The following CDH12 variants were observed in gnomAD, a reference collection of about 807,000 sequenced individuals.
CDH12 encodes the protein cadherin 12, also known as cadherin-12.
A neutral mutation model predicts 74.1 loss-of-function variants in CDH12; 41 were observed. The observed-to-expected ratio is 0.55, with a 90% CI of 0.43 to 0.72. The LOEUF is 0.72. Ranked by LOEUF, CDH12 falls within the 30% of genes least tolerant of loss-of-function variation. The pLI, the probability that CDH12 is intolerant of heterozygous loss-of-function variation, is 0.00. For missense variants in CDH12, 945 were observed against 977.2 expected (o/e 0.97, Z 0.44); for synonymous variants, 399 against 355.0 (o/e 1.12, Z -1.39).
chr5:22,850,468 AT>A (rs1384558838), intron 1 of CDH12, among the ~76,000 whole-genome samples: 2 of 152,086 alleles, frequency 1.3e-5, no homozygotes, highest in African/African-American at 4.8e-5. Context: ...AATTAAATGT[AT>A]TTTTGGGTAC....
chr5:22,272,524 G>C (rs1171216584), intron 3 of CDH12, among the ~76,000 whole-genome samples: 4 of 152,148 alleles, frequency 2.6e-5, no homozygotes, highest in Non-Finnish European at 5.9e-5. Context: ...AGGGCCCTAG[G>C]TTTCAACTAT....
chr5:22,083,289 C>T (rs1561092208), intron 4 of CDH12, among the ~76,000 whole-genome samples: 4 of 152,188 alleles, frequency 2.6e-5, no homozygotes. Flanking sequence ...TTGCCATTCT[C>T]TTCCTTTCCT....
intron 1 of CDH12, among the ~76,000 whole-genome samples, chr5:22,831,251 G>T (rs1261763333): frequency 6.6e-6 from 1 of 152,078 alleles, no homozygotes; most frequent in African/African-American, 2.4e-5. Context: ...GAAAACGATT[G>T]AGTAGAATAT....
chr5:22,843,703 A>G (rs1303225813), intron 1 of CDH12, among the ~76,000 whole-genome samples: 2 of 151,854 alleles, frequency 1.3e-5, no homozygotes, highest in Non-Finnish European at 2.9e-5. Context: ...AAATGTTTTG[A>G]AAGATATTTA....
intron 13 of CDH12, 60 bp downstream of exon 13, chr5:21,760,498 C>A: frequency 1.2e-6 from 1 of 817,966 alleles, no homozygotes; most frequent in Non-Finnish European, 2.1e-6. Flanking sequence ...TGATTCCTCC[C>A]TTTGTGCCTT....
At chr5:22,612,076 C>T (rs1332069733) in intron 1 of CDH12, among the ~76,000 whole-genome samples, 1 of 151,980 alleles carries the variant, frequency 6.6e-6, no homozygotes, top group Non-Finnish European at 1.5e-5. Context: ...ATATTTGGCC[C>T]TTACTTATTG....
At chr5:21,976,852 T>G (rs2150124050) in intron 5 of CDH12, among the ~76,000 whole-genome samples, 1 of 152,172 alleles carries the variant, frequency 6.6e-6, no homozygotes, top group South Asian at 2.1e-4. Context: ...ACTCTGAAAA[T>G]ATTTTAAATT....
chr5:22,294,739 T>A (rs775126178), intron 3 of CDH12, among the ~76,000 whole-genome samples: 1 of 152,222 alleles, frequency 6.6e-6, no homozygotes, highest in Non-Finnish European at 1.5e-5. Context: ...CGTAAGGTTC[T>A]CCTCAGTTTG....
chr5:22,703,966 A>G (rs144505568), intron 1 of CDH12, among the ~76,000 whole-genome samples: 1 of 152,246 alleles, frequency 6.6e-6, no homozygotes, highest in Non-Finnish European at 1.5e-5. Flanking sequence ...TGACTGTGCC[A>G]TGTAAAACAA....
chr5:22,736,107 A>G (rs976771867), intron 1 of CDH12, among the ~76,000 whole-genome samples: 3 of 151,906 alleles, frequency 2.0e-5, no homozygotes, highest in Non-Finnish European at 1.5e-5. Context: ...AAACTAGAAT[A>G]AAGTTTTAGT....
intron 4 of CDH12, among the ~76,000 whole-genome samples, chr5:22,182,062 A>G (rs1580368186): frequency 6.6e-6 from 1 of 152,130 alleles, no homozygotes; most frequent in Non-Finnish European, 1.5e-5. Flanking sequence ...TTTAAGCCCT[A>G]TAATTAGTTT....
At chr5:22,517,946 T>C (rs1736875235) in intron 1 of CDH12, among the ~76,000 whole-genome samples, 1 of 152,216 alleles carries the variant, frequency 6.6e-6, no homozygotes, top group African/African-American at 2.4e-5. Context: ...CAACCTCAAC[T>C]GGGCGTTCAT....
intron 2 of CDH12, among the ~76,000 whole-genome samples, chr5:22,502,620 T>C (rs1009832771): frequency 4.0e-5 from 6 of 151,196 alleles, no homozygotes; most frequent in African/African-American, 1.2e-4. Flanking sequence ...TCCCAGTCTA[T>C]TGCCAGCAGT....
intron 1 of CDH12, among the ~76,000 whole-genome samples, chr5:22,833,523 T>C (rs147420929): frequency 9.6e-4 from 147 of 152,342 alleles, no homozygotes; most frequent in African/African-American, 3.5e-3. Flanking sequence ...GCTAATTGCA[T>C]AGCAAAATAT....
chr5:22,742,052 G>A (rs1745053477), intron 1 of CDH12, among the ~76,000 whole-genome samples: 1 of 152,028 alleles, frequency 6.6e-6, no homozygotes, highest in East Asian at 1.9e-4. Flanking sequence ...ATGATGGCAG[G>A]TGCCTGTAGT....
intron 8 of CDH12, among the ~76,000 whole-genome samples, chr5:21,837,861 G>A (rs781662451): frequency 3.9e-5 from 6 of 151,982 alleles, no homozygotes; most frequent in Non-Finnish European, 5.9e-5. Context: ...TCCCCCACCC[G>A]TTATAGTTTC....
intron 10 of CDH12, among the ~76,000 whole-genome samples, chr5:21,788,071 G>C (rs1023788093): frequency 4.6e-5 from 7 of 152,098 alleles, no homozygotes; most frequent in African/African-American, 1.4e-4. Flanking sequence ...ACTAGACATT[G>C]TTCTAGAGAT....
chr5:21,944,839 G>T (rs1755497258), intron 6 of CDH12, among the ~76,000 whole-genome samples: 1 of 151,992 alleles, frequency 6.6e-6, no homozygotes, highest in Admixed American at 6.6e-5. Context: ...GCCAGTGGGT[G>T]GAGGGAGAAG....
intron 2 of CDH12, among the ~76,000 whole-genome samples, chr5:22,423,774 C>G (rs1440119625): frequency 4.6e-5 from 7 of 151,834 alleles, no homozygotes; most frequent in Non-Finnish European, 1.0e-4. Flanking sequence ...GAGTCCGCGG[C>G]GGGTGGATCA....
Sources: allele counts gnomAD v4.1 joint callset (sites outside exome capture counted in the v4.1 genomes callset), GRCh38; gene constraint gnomAD v4.1.1; transcripts MANE v1.5; gene names NCBI Gene and HGNC (gene_info 2026-07-23, HGNC 2026-07-21).